The following FMO2 variants were observed in gnomAD, a reference collection of about 807,000 sequenced individuals.
FMO2 encodes flavin containing dimethylaniline monoxygenase 2.
In FMO2, 33 loss-of-function variants were observed where a neutral mutation model predicts 41.6. The ratio of observed to expected loss-of-function variants is 0.79; its 90% CI spans 0.60 to 1.06. The LOEUF is 1.06. Ranked by LOEUF, FMO2 falls within the 50% of genes least tolerant of loss-of-function variation. FMO2 has a pLI of 0.00. For synonymous variants in FMO2, 214 were observed against 219.6 expected, an observed-to-expected ratio of 0.97 and a Z score of 0.23; for missense variants, 619 against 632.9, an observed-to-expected ratio of 0.98 and a Z score of 0.23.
At chr1:171,188,821 A>G (rs1006664549) in intron 2 of FMO2, 2 of 152,216 alleles carry the variant, frequency 1.3e-5, no homozygotes, top group Admixed American at 1.3e-4. Flanking sequence ...CCCAGACAAT[A>G]GAGTTCTTCC....
At chr1:171,201,565 T>C (rs1454849164) in intron 5 of FMO2, among the ~76,000 whole-genome samples, 1 of 152,148 alleles carries the variant, frequency 6.6e-6, no homozygotes, top group Non-Finnish European at 1.5e-5. Context: ...TGTGCACTGC[T>C]CTGTTAAAAG....
chr1:171,208,509 C>T (rs1305424833), intron 8 of FMO2, among the ~76,000 whole-genome samples: 3 of 152,184 alleles, frequency 2.0e-5, no homozygotes, highest in Non-Finnish European at 4.4e-5. Context: ...CTAGCATGTA[C>T]TTGCCTGGAG....
rs1333119142 is a variant in FMO2, at chr1:171,205,335, G to T, written c.884G>T (p.Gly295Val). ...GATGTCCCAAGTCGTCTACTCTGTG[G>T]AGCCATCAAGGTGAAATCTACAGTG... The part of the protein sequence containing the change: ...NDDVPSRLLC[G>V]AIKVKSTVKE... Residue 295 changes from glycine to valine, a missense_variant, in exon 7 of 9, where the codon GGA (glycine) becomes GTA (valine). Transcript: ENST00000209929. The T allele has an allele frequency of 1.2e-6, 2 of 1,613,622 alleles. No homozygotes were observed. The highest frequency in any genetic ancestry group is 1.7e-5 in the Admixed American group (1 of 59,940).
intron 3 of FMO2, among the ~76,000 whole-genome samples, chr1:171,195,638 T>C (rs1257485797): frequency 6.6e-6 from 1 of 152,144 alleles, no homozygotes; most frequent in Non-Finnish European, 1.5e-5. Flanking sequence ...ATCTGAAAAT[T>C]TGAGATATAT....
rs201512111 is a variant in FMO2 at position 171,199,431 on chromosome 1, T to C, written c.570T>C (p.Ile190=). Residue 190 remains isoleucine (I), a synonymous_variant, in exon 5 of 9, where the codon ATT becomes ATC. Transcript: ENST00000209929. ...TTGAGGGAAAACGCATCCTGGTGATTGGAATGGGAAACTCAGGCTCAGATA... is the reference window on the plus strand; with the variant it reads ...TTGAGGGAAAACGCATCCTGGTGATCGGAATGGGAAACTCAGGCTCAGATA... ...DGFEGKRILV[I]GMGNSGSDIA... is the part of the protein sequence containing the mutation. The C allele has an allele frequency of 3.6e-4, 587 of 1,612,802 alleles. No individual in the cohort carries two copies. The highest frequency in any genetic ancestry group is 4.7e-4 in the Non-Finnish European group (560 of 1,179,458).
At chr1:171,199,180 C>G (rs1020846528) in intron 4 of FMO2, 166 bp from the exon 5 acceptor site, 1 of 552,188 alleles carries the variant, frequency 1.8e-6, no homozygotes, top group Non-Finnish European at 3.0e-6. Flanking sequence ...ATTACAGGCC[C>G]CACCTGGTCT....
In FMO2 at chr1:171,211,684, C is replaced by G. The variant is rs1658989413; in HGVS notation, c.*2539C>G. 6.6e-6 allele frequency among the ~76,000 whole-genome samples: 1 copy of G among 152,172 alleles called. No homozygotes were observed. Among genetic ancestry groups the G allele is most frequent in the Non-Finnish European group, 1.5e-5 (1 of 68,030 alleles). On this transcript the variant is annotated 3_prime_UTR_variant, in exon 9 of 9. Coordinates refer to ENST00000209929, the MANE Select transcript of FMO2 (RefSeq NM_001460.5). ...GTTGACTCAAAGGTTAAAGAAGGCT[C>G]ATCAGTCTATCCTTCTGCCTCCATA...
intron 2 of FMO2, chr1:171,186,133 G>A (rs559942883): frequency 4.8e-6 from 1 of 207,514 alleles, no homozygotes; most frequent in South Asian, 1.5e-4. Context: ...GCTAATATTA[G>A]AGAACATTTT....
At chr1:171,195,418 T>G (rs1047727013) in intron 3 of FMO2, among the ~76,000 whole-genome samples, 5 of 152,222 alleles carry the variant, frequency 3.3e-5, no homozygotes, top group Admixed American at 2.6e-4. Flanking sequence ...CAAGTGATAC[T>G]GAAGATCCTG....
intron 8 of FMO2, 103 bp from the exon 9 acceptor site, chr1:171,208,691 C>A (rs1658859759): frequency 9.4e-7 from 1 of 1,062,662 alleles, no homozygotes; most frequent in Non-Finnish European, 1.4e-6. Context: ...AACTCATTCA[C>A]ATATTCACTC....
Position 171,185,975 on chromosome 1 carries a change from G to A in FMO2, c.132+130G>A. The A allele has an allele frequency of 8.8e-6, 9 of 1,021,006 alleles. 1 individual carries two copies. The highest frequency in any genetic ancestry group is 1.1e-5 in the Non-Finnish European group (8 of 698,142). The allele number at this position is 1,021,006 out of a possible 1,614,324, so 63.2% of individuals were successfully genotyped here. ...AGATTTTATTTCTACTTATTGATGTGGCCATAATGGAACTGAAGTCATAGG... is the reference window on the plus strand; with the variant it reads ...AGATTTTATTTCTACTTATTGATGTAGCCATAATGGAACTGAAGTCATAGG... On this transcript the variant is annotated intron_variant, in intron 2 of 8. Transcript: ENST00000209929.
At position 171,212,051 on chromosome 1, in the gene FMO2, T is replaced by G. The variant is rs113315110; in HGVS notation, c.*2906T>G. ...TTCAGCCTTGGTCCTCCAACTGCAG[T>G]TTACAATTTTTGTTCTTCTCCTGTA... On this transcript the variant is annotated 3_prime_UTR_variant, in exon 9 of 9. Transcript: ENST00000209929. Among the ~76,000 whole-genome samples, 21 of 152,302 alleles carry G rather than the reference T, an allele frequency of 1.4e-4. 1 individual carries two copies. Among genetic ancestry groups the G allele is most frequent in the African/African-American group, 5.1e-4 (21 of 41,576 alleles).
Position 171,205,642 on chromosome 1 carries a change from T to A in FMO2, c.1183+8T>A. ...TGACAAGAGTTTTCAAAGGTAAGTG[T>A]GTAGGCAGGTGAGTGGCTAAGCGTT... On this transcript the variant is annotated splice_region_variant and intron_variant, in intron 7 of 8. Transcript: ENST00000209929. 1 of 1,556,060 alleles carries A rather than the reference T, an allele frequency of 6.4e-7. No individual in the cohort carries two copies. The highest frequency in any genetic ancestry group is 8.8e-7 in the Non-Finnish European group (1 of 1,142,626).
chr1:171,211,925 C>A lies in FMO2; in HGVS notation c.*2780C>A, dbSNP rs1020625586. Among the ~76,000 whole-genome samples, 5 of 152,128 alleles carry A rather than the reference C, an allele frequency of 3.3e-5. No homozygotes were observed. The highest frequency in any genetic ancestry group is 1.5e-5 in the Non-Finnish European group (1 of 68,032). ...CAGATGATTCCTGTGTACATTAAAT[C>A]TAGAAACCATTAGTTTGAGATCTCT... On this transcript the variant is annotated 3_prime_UTR_variant, in exon 9 of 9. Coordinates refer to ENST00000209929, the MANE Select transcript of FMO2 (RefSeq NM_001460.5).
At chr1:171,189,662 T>TTC (rs1553237376) in intron 2 of FMO2, among the ~76,000 whole-genome samples, 3 of 137,914 alleles carry the variant, frequency 2.2e-5, no homozygotes, top group African/African-American at 6.1e-5. Context: ...TTCTTTTCTT[T>TTC]TTTTTTTTTT....
At chr1:171,206,019 T>A (rs28369901) in intron 7 of FMO2, among the ~76,000 whole-genome samples, 157 of 152,296 alleles carry the variant, frequency 1.0e-3, no homozygotes, top group African/African-American at 3.6e-3. Context: ...CTCTTAATAC[T>A]TGAGCAGCTC....
chr1:171,194,138 T>C (rs1344702795), intron 3 of FMO2, among the ~76,000 whole-genome samples: 1 of 152,250 alleles, frequency 6.6e-6, no homozygotes, highest in Non-Finnish European at 1.5e-5. Context: ...TTCATTTGCC[T>C]TGAAAGGGCG....
chr1:171,185,892 A>G, intron 2 of FMO2, 47 bp downstream of exon 2: 1 of 1,588,518 alleles, frequency 6.3e-7, no homozygotes. Flanking sequence ...TTGTTATTTC[A>G]GGGTGAATCA....
At chr1:171,193,302 A>G in intron 2 of FMO2, 33 bp from the exon 3 acceptor site, 1 of 1,538,314 alleles carries the variant, frequency 6.5e-7, no homozygotes, top group Middle Eastern at 1.7e-4. Flanking sequence ...TTGAATGCGT[A>G]ATTATCACTA....
Sources: allele counts gnomAD v4.1 joint callset (sites outside exome capture counted in the v4.1 genomes callset), GRCh38; gene constraint gnomAD v4.1.1; transcripts MANE v1.5; gene names NCBI Gene and HGNC (gene_info 2026-07-23, HGNC 2026-07-21).